HS3ST3A1: variants seen among roughly 807,000 people sequenced by gnomAD.
HS3ST3A1 encodes heparan sulfate glucosamine 3-O-sulfotransferase 3A1.
A neutral mutation model predicts 25.7 loss-of-function variants in HS3ST3A1; 19 were observed. The observed-to-expected ratio is 0.74, with a 90% CI of 0.52 to 1.08. The LOEUF (loss-of-function observed/expected upper bound fraction) is 1.08. Among genes scored for constraint, HS3ST3A1 ranks in the 50% least tolerant of loss-of-function variants. The pLI, the probability that HS3ST3A1 is intolerant of heterozygous loss-of-function variation, is 0.00. For synonymous variants in HS3ST3A1, 226 were observed against 278.6 expected, an observed-to-expected ratio of 0.81 and a Z score of 1.88; for missense variants, 459 against 594.3, an observed-to-expected ratio of 0.77 and a Z score of 2.37.
At chr17:13,559,311 C>T (rs553824294) in intron 1 of HS3ST3A1, among the ~76,000 whole-genome samples, 5 of 152,192 alleles carry the variant, frequency 3.3e-5, no homozygotes, top group South Asian at 2.1e-4. Context: ...AAGGTAATTT[C>T]GTATTAATGG....
intron 1 of HS3ST3A1, among the ~76,000 whole-genome samples, chr17:13,552,376 T>C (rs1354592155): frequency 6.6e-6 from 1 of 152,178 alleles, no homozygotes; most frequent in African/African-American, 2.4e-5. Context: ...CCACCGCACC[T>C]GGCCGGTTCT....
At chr17:13,515,930 C>T (rs1275160462) in intron 1 of HS3ST3A1, among the ~76,000 whole-genome samples, 2 of 152,068 alleles carry the variant, frequency 1.3e-5, no homozygotes, top group Non-Finnish European at 2.9e-5. Flanking sequence ...TGTTTAATTG[C>T]CTCCTTATTG....
intron 1 of HS3ST3A1, among the ~76,000 whole-genome samples, chr17:13,514,752 C>CATGAGATTAAAGTG (rs1239065105): frequency 6.6e-6 from 1 of 152,100 alleles, no homozygotes; most frequent in Non-Finnish European, 1.5e-5. Flanking sequence ...AAAGTGATAG[C>CATGAGATTAAAGTG]ATGAGATTAA....
At chr17:13,561,582 C>T (rs966086304) in intron 1 of HS3ST3A1, among the ~76,000 whole-genome samples, 5 of 151,966 alleles carry the variant, frequency 3.3e-5, no homozygotes, top group East Asian at 1.9e-4. Context: ...TTAGTAGTGA[C>T]GGGGTTTCGC....
At chr17:13,509,537 G>A (rs1905793705) in intron 1 of HS3ST3A1, among the ~76,000 whole-genome samples, 1 of 152,086 alleles carries the variant, frequency 6.6e-6, no homozygotes, top group Non-Finnish European at 1.5e-5. Context: ...AGGATCTAAA[G>A]CCTGATCGAT....
intron 1 of HS3ST3A1, among the ~76,000 whole-genome samples, chr17:13,537,601 T>C (rs1280377993): frequency 6.6e-6 from 1 of 152,202 alleles, no homozygotes; most frequent in African/African-American, 2.4e-5. Flanking sequence ...GGCAAATGTA[T>C]TGCGCCTATA....
intron 1 of HS3ST3A1, among the ~76,000 whole-genome samples, chr17:13,591,056 T>TC (rs1908411877): frequency 6.7e-6 from 1 of 150,148 alleles, no homozygotes; most frequent in Non-Finnish European, 1.5e-5. Flanking sequence ...TTCTTTTTTT[T>TC]TTTTTTTTGA....
intron 1 of HS3ST3A1, among the ~76,000 whole-genome samples, chr17:13,552,157 G>A (rs1205578282): frequency 1.3e-5 from 2 of 152,078 alleles, no homozygotes; most frequent in Non-Finnish European, 2.9e-5. Context: ...TTGGCTCACC[G>A]CAACCTCCGC....
At chr17:13,563,420 T>C (rs183365965) in intron 1 of HS3ST3A1, among the ~76,000 whole-genome samples, 93 of 152,328 alleles carry the variant, frequency 6.1e-4, no homozygotes, top group African/African-American at 2.2e-3. Context: ...CAAGTCATTC[T>C]GCAGGAGGAC....
At chr17:13,536,728 C>A (rs756835423) in intron 1 of HS3ST3A1, among the ~76,000 whole-genome samples, 1 of 152,208 alleles carries the variant, frequency 6.6e-6, no homozygotes, top group African/African-American at 2.4e-5. Context: ...AGGTTAGGCT[C>A]TCTGGGCATG....
chr17:13,578,537 C>T lies in HS3ST3A1; in HGVS notation c.599+21994G>A, dbSNP rs558322358. ...AAGATCGTGCCACTGCACTCCAGCC[C>T]GGGTGACAGAGCCAGACTCCATCTC... is the stretch of plus-strand genomic sequence containing the variant. On this transcript the variant is annotated intron_variant, in intron 1 of 1. Transcript: ENST00000284110. 4.2e-3 allele frequency among the ~76,000 whole-genome samples: 601 copies of T among 144,286 alleles called. 4 individuals carry two copies. The highest frequency in any genetic ancestry group is 0.015 in the African/African-American group (576 of 38,658). 94.7% of individuals were successfully genotyped at this position (144,286 alleles called of 152,430 possible).
chr17:13,553,062 T>C (rs1907284834), intron 1 of HS3ST3A1, among the ~76,000 whole-genome samples: 1 of 152,128 alleles, frequency 6.6e-6, no homozygotes, highest in African/African-American at 2.4e-5. Flanking sequence ...TTCTTTTGTT[T>C]TTCATGGGGC....
chr17:13,505,568 TGAGGACAAAAGGAATATTTA>T (rs1395107888), intron 1 of HS3ST3A1, among the ~76,000 whole-genome samples: 3 of 151,590 alleles, frequency 2.0e-5, no homozygotes, highest in Non-Finnish European at 2.9e-5. Flanking sequence ...ACAAGGTGGG[TGAGGACAAAAGGAATATTTA>T]GAGTATAATC....
rs148398831 is a variant in HS3ST3A1 at position 13,593,614 on chromosome 17, C to G, written c.599+6917G>C. Among the ~76,000 whole-genome samples the G allele has an allele frequency of 1.9e-4, 29 of 152,272 alleles. 3 individuals are homozygous for G. In the East Asian group the frequency reaches 4.6e-3, roughly 24 times the overall value. ...TCTGAAGGAAAGGAAAGAAGAAACA[C>G]GGAATAAAAGAGAATCGGCACAGAC... On this transcript the variant is annotated intron_variant, in intron 1 of 1. Coordinates refer to ENST00000284110, the MANE Select transcript of HS3ST3A1 (RefSeq NM_006042.3).
chr17:13,510,124 G>A (rs1180972425), intron 1 of HS3ST3A1, among the ~76,000 whole-genome samples: 2 of 152,230 alleles, frequency 1.3e-5, no homozygotes, highest in African/African-American at 2.4e-5. Context: ...ATTCAAAGTG[G>A]GGAGAGCCTG....
At chr17:13,515,346 G>A (rs1210528318) in intron 1 of HS3ST3A1, among the ~76,000 whole-genome samples, 1 of 152,098 alleles carries the variant, frequency 6.6e-6, no homozygotes, top group Non-Finnish European at 1.5e-5. Context: ...TTTTAGTAGA[G>A]ATGGGTTTTC....
Position 13,600,641 on chromosome 17 carries a change from G to T in HS3ST3A1, c.489C>A (p.Gly163=), listed in dbSNP as rs541122669. 1.9e-6 allele frequency: 3 copies of T among 1,593,984 alleles called. No individual in the cohort carries two copies. Among genetic ancestry groups the T allele is most frequent in the Non-Finnish European group, 2.6e-6 (3 of 1,175,696 alleles). The change falls in exon 1 of 2, where the codon GGC becomes GGA. Residue 163 remains glycine (G), a synonymous_variant. Transcript: ENST00000284110. ...PQAIIIGVKK[G]GTRALLEFLR... is the part of the protein sequence containing the mutation. ...GGAACTCCAGCAGCGCCCGCGTGCCGCCCTTCTTCACTCCGATGATGATGG... is the reference window on the plus strand; with the variant it reads ...GGAACTCCAGCAGCGCCCGCGTGCCTCCCTTCTTCACTCCGATGATGATGG...
chr17:13,572,762 T>G (rs1427235381), intron 1 of HS3ST3A1, among the ~76,000 whole-genome samples: 1 of 152,248 alleles, frequency 6.6e-6, no homozygotes, highest in Admixed American at 6.5e-5. Flanking sequence ...GTTTTTACCA[T>G]GTGCAAGGCA....
At chr17:13,505,984 G>A (rs911285682) in intron 1 of HS3ST3A1, among the ~76,000 whole-genome samples, 8 of 135,994 alleles carry the variant, frequency 5.9e-5, no homozygotes, top group Admixed American at 4.8e-4. Context: ...CCGAGGTCTC[G>A]CCACTGCACT....
Sources: allele counts gnomAD v4.1 joint callset (sites outside exome capture counted in the v4.1 genomes callset), GRCh38; gene constraint gnomAD v4.1.1; transcripts MANE v1.5; gene names NCBI Gene and HGNC (gene_info 2026-07-23, HGNC 2026-07-21).